The following RAPGEF2 variants were observed in gnomAD, a reference collection of about 807,000 sequenced individuals.
RAPGEF2 encodes Rap guanine nucleotide exchange factor 2.
A neutral mutation model predicts 186.7 loss-of-function variants in RAPGEF2; 54 were observed. The observed-to-expected ratio is 0.29, with a 90% CI of 0.23 to 0.36. The LOEUF (loss-of-function observed/expected upper bound fraction) is 0.36. RAPGEF2 is among the 10% of genes least tolerant of loss of function. RAPGEF2 has a pLI of 1.00. For missense variants in RAPGEF2, 1,532 were observed against 2,045.0 expected (o/e 0.75, Z 4.84); for synonymous variants, 712 against 705.9 (o/e 1.01, Z -0.14).
At chr4:159,299,171 A>G (rs1332643393) in intron 7 of RAPGEF2, among the ~76,000 whole-genome samples, 1 of 152,034 alleles carries the variant, frequency 6.6e-6, no homozygotes, top group Non-Finnish European at 1.5e-5. Flanking sequence ...ACTAAGTGTG[A>G]TATTTATTTT....
At chr4:159,197,425 C>CCACA (rs34284421) in intron 3 of RAPGEF2, among the ~76,000 whole-genome samples, 29 of 151,574 alleles carry the variant, frequency 1.9e-4, no homozygotes, top group Non-Finnish European at 2.8e-4. Context: ...GTTTAAGTGT[C>CCACA]CACACACACA....
chr4:159,247,258 G>C (rs2111495945), intron 7 of RAPGEF2, among the ~76,000 whole-genome samples: 1 of 152,190 alleles, frequency 6.6e-6, no homozygotes, highest in South Asian at 2.1e-4. Flanking sequence ...GTCTGTCCCA[G>C]GCTCTAGAGA....
intron 9 of RAPGEF2, among the ~76,000 whole-genome samples, chr4:159,320,651 G>A (rs1474074329): frequency 6.6e-6 from 1 of 152,062 alleles, no homozygotes; most frequent in Non-Finnish European, 1.5e-5. Context: ...AGTCCAATCA[G>A]AACATGCCAT....
chr4:159,352,588 C>A, intron 26 of RAPGEF2, 97 bp from the exon 27 acceptor site: 1 of 940,184 alleles, frequency 1.1e-6, no homozygotes, highest in Non-Finnish European at 1.7e-6. Flanking sequence ...TAAGAGATAT[C>A]TATGCCTGCA....
At chr4:159,238,758 A>G (rs1361542384) in intron 4 of RAPGEF2, 51 bp from the exon 5 acceptor site, 1 of 1,370,160 alleles carries the variant, frequency 7.3e-7, no homozygotes, top group Non-Finnish European at 9.8e-7. Flanking sequence ...AAATCATACT[A>G]CTTAAATCTC....
At chr4:159,231,103 TATGTTTAG>T (rs1257573247) in intron 4 of RAPGEF2, among the ~76,000 whole-genome samples, 1 of 152,182 alleles carries the variant, frequency 6.6e-6, no homozygotes, top group African/African-American at 2.4e-5. Flanking sequence ...GTAACTTTTC[TATGTTTAG>T]ATGTTTAGAT....
chr4:159,262,399 AG>A (rs1251791912), intron 7 of RAPGEF2, among the ~76,000 whole-genome samples: 1 of 152,184 alleles, frequency 6.6e-6, no homozygotes, highest in Non-Finnish European at 1.5e-5. Context: ...GTGAAATATT[AG>A]TGGGGGGGCC....
intron 1 of RAPGEF2, among the ~76,000 whole-genome samples, chr4:159,150,600 G>A (rs1164554566): frequency 2.0e-5 from 3 of 152,188 alleles, no homozygotes; most frequent in Non-Finnish European, 4.4e-5. Flanking sequence ...CTTGTTTACT[G>A]TATAAGAATT....
chr4:159,344,097 T>G, intron 23 of RAPGEF2, 38 bp downstream of exon 23: 1 of 1,521,232 alleles, frequency 6.6e-7, no homozygotes, highest in Non-Finnish European at 9.1e-7. Context: ...CACACAGTTC[T>G]TATTCTGCTC....
intron 1 of RAPGEF2, among the ~76,000 whole-genome samples, chr4:159,168,575 A>G (rs1428632109): frequency 3.3e-5 from 5 of 152,028 alleles, no homozygotes; most frequent in African/African-American, 1.2e-4. Context: ...CAGATTTATT[A>G]GTACATTTTG....
intron 7 of RAPGEF2, among the ~76,000 whole-genome samples, chr4:159,276,863 A>T (rs1378980356): frequency 1.3e-5 from 2 of 152,040 alleles, no homozygotes; most frequent in Admixed American, 6.6e-5. Context: ...AAAAGGAAAT[A>T]TGGATAACTT....
At position 159,313,147 on chromosome 4, in the gene RAPGEF2, C is replaced by CA. The variant is rs1342789822; in HGVS notation, c.676-1436dup. On this transcript the variant is annotated intron_variant, in intron 8 of 29. Coordinates refer to ENST00000691494, the MANE Select transcript of RAPGEF2 (RefSeq NM_001394067.2). ...TGGGCAACAGAGCAAGACTCTGTCT[C>CA]AAAAAAAACAAAAAGAAAGAAAGAA... is the stretch of plus-strand genomic sequence containing the variant. Among the ~76,000 whole-genome samples, 24 of 145,082 alleles carry CA rather than the reference C, an allele frequency of 1.7e-4. No individual in the cohort carries two copies. The South Asian group carries it at 2.1e-3, about 13-fold the overall frequency.
intron 8 of RAPGEF2, among the ~76,000 whole-genome samples, chr4:159,314,311 C>T (rs1040039626): frequency 4.6e-5 from 7 of 152,140 alleles, no homozygotes; most frequent in Non-Finnish European, 8.8e-5. Context: ...ACTTTTTCTT[C>T]TTTATTCTAC....
At position 159,271,970 on chromosome 4, in the gene RAPGEF2, C is replaced by G. The variant is rs114929530; in HGVS notation, c.543+28179C>G. On this transcript the variant is annotated intron_variant, in intron 7 of 29. Transcript: ENST00000691494. ...TTCTGCTTTTCTGTGTTTGGTCTTA[C>G]CATGTACATTTCCTTTTTGCTGCTT... 2.9e-3 allele frequency among the ~76,000 whole-genome samples: 437 copies of G among 152,286 alleles called. 2 individuals are homozygous for G. Among genetic ancestry groups the G allele is most frequent in the African/African-American group, 9.5e-3 (393 of 41,558 alleles).
chr4:159,106,740 C>G (rs1737930627), intron 1 of RAPGEF2, among the ~76,000 whole-genome samples: 1 of 152,114 alleles, frequency 6.6e-6, no homozygotes, highest in Non-Finnish European at 1.5e-5. Flanking sequence ...TTTTTAAAGG[C>G]TTGCTGGCCT....
intron 17 of RAPGEF2, 72 bp from the exon 18 acceptor site, chr4:159,338,239 G>T: frequency 7.4e-7 from 1 of 1,355,750 alleles, no homozygotes; most frequent in Admixed American, 2.5e-5. Flanking sequence ...TTTTTGGTCT[G>T]TGTTTATTAT....
At position 159,186,720 on chromosome 4, in the gene RAPGEF2, A is replaced by G. The variant is rs553553435; in HGVS notation, c.140+8A>G. On this transcript the variant is annotated splice_region_variant and intron_variant, in intron 2 of 29. Coordinates refer to ENST00000691494, the MANE Select transcript of RAPGEF2 (RefSeq NM_001394067.2). The stretch of plus-strand genomic sequence containing the variant: ...GAGGGAGCATCAACTTAGGTATGTC[A>G]TTTTAATATTCAGTTAATCATAGAA... The G allele has an allele frequency of 9.1e-5, 128 of 1,402,310 alleles. No individual in the cohort carries two copies. The highest frequency in any genetic ancestry group is 1.2e-4 in the Non-Finnish European group (124 of 1,038,994). The allele number at this position is 1,402,310 out of a possible 1,614,324, so 86.9% of individuals were successfully genotyped here.
At chr4:159,356,241 A>G in intron 29 of RAPGEF2, 83 bp downstream of exon 29, 1 of 1,363,612 alleles carries the variant, frequency 7.3e-7, no homozygotes, top group Non-Finnish European at 1.0e-6. Flanking sequence ...TGTTCTCTTA[A>G]CACTGCAGTC....
chr4:159,311,501 A>C (rs1763948967), intron 8 of RAPGEF2, among the ~76,000 whole-genome samples: 1 of 152,190 alleles, frequency 6.6e-6, no homozygotes, highest in Non-Finnish European at 1.5e-5. Context: ...ATCTAGCTTG[A>C]GACTGGCTTG....
Sources: gnomAD v4.1 joint callset for allele counts (sites outside exome capture counted in the v4.1 genomes callset) on GRCh38, gnomAD v4.1.1 for gene constraint, MANE v1.5 for transcripts, NCBI Gene and HGNC (gene_info 2026-07-23, HGNC 2026-07-21) for gene names.